The following OPA1 variants were observed in gnomAD, a reference collection of about 807,000 sequenced individuals.
The protein encoded by OPA1 is dynamin-like GTPase OPA1, mitochondrial.
A neutral mutation model predicts 152.9 loss-of-function variants in OPA1; 59 were observed. The observed-to-expected ratio is 0.39, with a 90% CI of 0.31 to 0.48. The LOEUF (loss-of-function observed/expected upper bound fraction) is 0.48. Ranked by LOEUF, OPA1 falls within the 20% of genes least tolerant of loss-of-function variation. The pLI is 0.96. For missense variants in OPA1, 1,008 were observed against 1,216.8 expected, an observed-to-expected ratio of 0.83 and a Z score of 2.55; for synonymous variants, 400 against 389.9, an observed-to-expected ratio of 1.03 and a Z score of -0.31.
At chr3:193,599,709 C>A (rs186148824) in intron 1 of OPA1, among the ~76,000 whole-genome samples, 2 of 152,228 alleles carry the variant, frequency 1.3e-5, no homozygotes, top group African/African-American at 4.8e-5. Flanking sequence ...AATCATTCTA[C>A]CTTGGGCAAA....
chr3:193,648,728 G>A lies in OPA1; in HGVS notation c.1936-67G>A, dbSNP rs1711646365. On this transcript the variant is annotated intron_variant, in intron 20 of 30. Transcript: ENST00000361510. ...CAAAAACCTCCCTTTGGTTATCTCT[G>A]AAAATCATGACAGGGTAAATTTACT... is the stretch of plus-strand genomic sequence containing the variant. 1.6e-5 allele frequency: 18 copies of A among 1,151,992 alleles called. No homozygotes were observed. In the South Asian group the frequency reaches 2.2e-4, roughly 14 times the overall value. The allele number at this position is 1,151,992 out of a possible 1,614,324, so 71.4% of individuals were successfully genotyped here.
rs1214121368 is a variant in OPA1, at chr3:193,662,575, A to G, written c.2521-247A>G. On this transcript the variant is annotated intron_variant, in intron 25 of 30. Coordinates refer to ENST00000361510, the MANE Select transcript of OPA1 (RefSeq NM_130837.3). Reference sequence around the variant, plus strand: ...AAAACATTTCAGCAAAAGTAAATACATAACAAGTAGGGCTAATCCCTGGGT... The same window carrying G: ...AAAACATTTCAGCAAAAGTAAATACGTAACAAGTAGGGCTAATCCCTGGGT... 3.3e-5 allele frequency among the ~76,000 whole-genome samples: 5 copies of G among 152,330 alleles called. No individual in the cohort carries two copies. The South Asian group carries it at 8.3e-4, about 25-fold the overall frequency.
Position 193,667,223 on chromosome 3 carries a change from G to A in OPA1, c.2926G>A (p.Gly976Ser). Reference sequence around the variant, plus strand: ...GGTATTGGAAGATTTTGCTGAAGATGGTGAGAAGAAGATTAAATTGCTTAC... The same window carrying A: ...GGTATTGGAAGATTTTGCTGAAGATAGTGAGAAGAAGATTAAATTGCTTAC... ...KEVLEDFAED[G>S]EKKIKLLTGK... Residue 976 changes from glycine to serine, a missense_variant, in exon 29 of 31, where the codon GGT (glycine) becomes AGT (serine). By Grantham distance (56) the Gly-to-Ser change is moderately conservative. Around this residue, in one of 7 missense-constraint regions of OPA1, gnomAD observed 137 missense variants for 171.0 expected, o/e 0.80. Coordinates refer to ENST00000361510, the MANE Select transcript of OPA1 (RefSeq NM_130837.3). The A allele has an allele frequency of 1.2e-6, 2 of 1,609,734 alleles. No individual in the cohort carries two copies. The highest frequency in any genetic ancestry group is 2.2e-5 in the South Asian group (2 of 90,990).
chr3:193,656,318 C>G (rs1426442830), intron 22 of OPA1, among the ~76,000 whole-genome samples: 2 of 152,096 alleles, frequency 1.3e-5, no homozygotes, highest in Admixed American at 1.3e-4. Context: ...AATACTCACC[C>G]CACCACTCAC....
intron 1 of OPA1, among the ~76,000 whole-genome samples, chr3:193,610,475 C>A (rs181937903): frequency 6.6e-6 from 1 of 152,148 alleles, no homozygotes; most frequent in African/African-American, 2.4e-5. Context: ...TTAGGCTATT[C>A]GGGGGTCAGG....
At chr3:193,617,384 AT>A (rs779123140) in intron 4 of OPA1, 99 bp downstream of exon 4, 4 of 725,958 alleles carry the variant, frequency 5.5e-6, no homozygotes, top group Non-Finnish European at 9.5e-6. Flanking sequence ...AAATTAAAAT[AT>A]TTAGTACCAA....
chr3:193,623,414 G>A (rs1419992346), intron 6 of OPA1, among the ~76,000 whole-genome samples: 1 of 151,896 alleles, frequency 6.6e-6, no homozygotes, highest in East Asian at 1.9e-4. Flanking sequence ...TTGGTTTCTG[G>A]AGTTATTACT....
In OPA1 at chr3:193,643,645, A is replaced by G. The variant is rs1560374119; in HGVS notation, c.1477+18A>G. 6.4e-7 allele frequency: 1 copy of G among 1,574,552 alleles called. No homozygotes were observed. Among genetic ancestry groups the G allele is most frequent in the African/African-American group, 1.3e-5 (1 of 74,208 alleles). ...TATTCAAGGTAAATCATATCAAAAGATTTTAATGTACTGATATGTTTTCTT... is the reference window on the plus strand; with the variant it reads ...TATTCAAGGTAAATCATATCAAAAGGTTTTAATGTACTGATATGTTTTCTT... On this transcript the variant is annotated intron_variant, in intron 15 of 30. Coordinates refer to ENST00000361510, the MANE Select transcript of OPA1 (RefSeq NM_130837.3).
At position 193,648,092 on chromosome 3, in the gene OPA1, T is replaced by A. The variant is rs1441195440; in HGVS notation, c.1893T>A (p.Thr631=). The A allele has an allele frequency of 6.2e-7, 1 of 1,613,634 alleles. No homozygotes were observed. Among genetic ancestry groups the A allele is most frequent in the East Asian group, 2.2e-5 (1 of 44,882 alleles). Reference sequence around the variant, plus strand: ...CAGCAACACGTTTTAACCTTGAAACTGAATGGAAGAATAACTATCCTCGCC... The same window carrying A: ...CAGCAACACGTTTTAACCTTGAAACAGAATGGAAGAATAACTATCCTCGCC... ...SFKATRFNLE[T]EWKNNYPRLR... The change falls in exon 20 of 31, where the codon ACT becomes ACA. Residue 631 remains threonine (T), a synonymous_variant. Coordinates refer to ENST00000361510, the MANE Select transcript of OPA1 (RefSeq NM_130837.3).
intron 1 of OPA1, among the ~76,000 whole-genome samples, chr3:193,604,860 C>CAAAAAAAAAAA (rs55904490): frequency 1.1e-4 from 11 of 104,568 alleles, no homozygotes; most frequent in South Asian, 3.7e-4. Context: ...AACTCCATCT[C>CAAAAAAAAAAA]AAAAAAAAAA....
At chr3:193,602,387 C>A (rs2108800890) in intron 1 of OPA1, among the ~76,000 whole-genome samples, 1 of 152,252 alleles carries the variant, frequency 6.6e-6, no homozygotes, top group East Asian at 1.9e-4. Flanking sequence ...AATTCCAGAC[C>A]ATGGAGGGTT....
rs780773698 is a variant in OPA1 at position 193,664,985 on chromosome 3, G to T, written c.2767G>T (p.Val923Leu). The change falls in exon 27 of 31, where the codon GTA becomes TTA. Residue 923 changes from valine (V) to leucine (L), a missense_variant. By Grantham distance (32) the Val-to-Leu change is conservative. This residue lies in a region of OPA1 where 137 missense variants were observed against 171.0 expected (regional missense o/e 0.80). Transcript: ENST00000361510. ...TTTTTATTACTACCAAAGGCATTTT[G>T]TAGATTCTGAGGTAAGGTTTCCAAA... ...RGFYYYQRHF[V>L]DSELECNDVV... The T allele has an allele frequency of 6.4e-7, 1 of 1,568,400 alleles. No individual in the cohort carries two copies. The highest frequency in any genetic ancestry group is 1.7e-5 in the Admixed American group (1 of 59,856).
chr3:193,652,996 G>A (rs1287523048), intron 21 of OPA1, among the ~76,000 whole-genome samples: 1 of 152,128 alleles, frequency 6.6e-6, no homozygotes, highest in Non-Finnish European at 1.5e-5. Flanking sequence ...TCTGAAGCAG[G>A]ATGAGAAAAA....
In OPA1 at chr3:193,607,824, G is replaced by A. The variant is rs190064526; in HGVS notation, c.33-6899G>A. On this transcript the variant is annotated intron_variant, in intron 1 of 30. Transcript: ENST00000361510. ...AAGTCTTTGGTAGCTTGATGGGGAT[G>A]GCATTGAATCTATAAATTACCCTGG... Among the ~76,000 whole-genome samples the A allele has an allele frequency of 3.9e-3, 600 of 152,260 alleles. 1 individual carries two copies. The highest frequency in any genetic ancestry group is 6.7e-3 in the Non-Finnish European group (453 of 68,000).
chr3:193,693,456 A>C (rs1334134445), intron 30 of OPA1, among the ~76,000 whole-genome samples: 3 of 152,182 alleles, frequency 2.0e-5, no homozygotes, highest in Admixed American at 2.0e-4. Context: ...CCTGACCAAC[A>C]TGGTGAAACC....
At chr3:193,640,439 T>G (rs975291030) in intron 11 of OPA1, among the ~76,000 whole-genome samples, 2 of 151,992 alleles carry the variant, frequency 1.3e-5, no homozygotes, top group Non-Finnish European at 2.9e-5. Context: ...TCAAGGAAGG[T>G]GAACATAGAA....
intron 18 of OPA1, 84 bp downstream of exon 18, chr3:193,645,884 T>G (rs1734512364): frequency 1.9e-6 from 2 of 1,066,244 alleles, no homozygotes; most frequent in Non-Finnish European, 1.4e-6. Flanking sequence ...ACATCAGGTT[T>G]TATAACTATT....
In OPA1 at chr3:193,696,295, G is replaced by A. The variant is rs185570978; in HGVS notation, c.*1695G>A. 37 of 152,334 alleles carry A rather than the reference G, an allele frequency of 2.4e-4. No individual in the cohort carries two copies. Among genetic ancestry groups the A allele is most frequent in the Admixed American group, 1.9e-3 (29 of 15,302 alleles). The allele number at this position is 152,334 out of a possible 1,614,324, so 9.4% of individuals were successfully genotyped here. A position where few individuals can be genotyped will look rare whatever the true frequency, so the allele number is the denominator to read the frequency against. On this transcript the variant is annotated 3_prime_UTR_variant, in exon 31 of 31. Transcript: ENST00000361510. ...AAAGACCTTCAGCTGTATTTCCACAGATTTCTCCCAAGGAAAAGGCTAATA... is the reference window on the plus strand; with the variant it reads ...AAAGACCTTCAGCTGTATTTCCACAAATTTCTCCCAAGGAAAAGGCTAATA...
chr3:193,667,724 T>C (rs1446342758), intron 29 of OPA1, among the ~76,000 whole-genome samples: 2 of 151,922 alleles, frequency 1.3e-5, no homozygotes, highest in African/African-American at 4.8e-5. Context: ...TCTGAAGTAT[T>C]TGAGAGTAAG....
Sources: allele counts gnomAD v4.1 joint callset (sites outside exome capture counted in the v4.1 genomes callset), GRCh38; gene constraint gnomAD v4.1.1; regional missense constraint gnomAD v4.1.1; transcripts MANE v1.5; gene names NCBI Gene and HGNC (gene_info 2026-07-23, HGNC 2026-07-21).